Variants in SATB2 observed in about 807,000 individuals in gnomAD.
SATB2 encodes the protein DNA-binding protein SATB2.
Under a neutral mutation model 73.4 loss-of-function variants are expected in SATB2, and 1 was observed. That is an observed-to-expected ratio of 0.01 (90% CI 0.00 to 0.06). SATB2 has a LOEUF of 0.06. Ranked by LOEUF, SATB2 falls within the 10% of genes least tolerant of loss-of-function variation. The pLI, the probability that SATB2 is intolerant of heterozygous loss-of-function variation, is 1.00. For synonymous variants in SATB2, 397 were observed against 367.0 expected (o/e 1.08, Z -0.93); for missense variants, 459 against 945.8 (o/e 0.49, Z 6.75).
intron 7 of SATB2, among the ~76,000 whole-genome samples, chr2:199,334,702 TC>T (rs890562863): frequency 1.6e-4 from 25 of 152,100 alleles, no homozygotes; most frequent in African/African-American, 6.0e-4. Flanking sequence ...ACTGGTAACC[TC>T]TTAAGAAAAC....
chr2:199,310,015 C>T (rs1384180237), intron 9 of SATB2, among the ~76,000 whole-genome samples: 1 of 152,026 alleles, frequency 6.6e-6, no homozygotes, highest in Admixed American at 6.5e-5. Context: ...CTGCCTTTAC[C>T]CCAAAAAAGG....
chr2:199,373,574 A>G (rs1458239386), intron 5 of SATB2, among the ~76,000 whole-genome samples: 3 of 151,532 alleles, frequency 2.0e-5, no homozygotes, highest in Non-Finnish European at 4.4e-5. Flanking sequence ...CTCTAATGTC[A>G]GCACCCTCAC....
At chr2:199,355,195 CTATATATGTATATATATATAGTGTG>C (rs1688933883) in intron 6 of SATB2, among the ~76,000 whole-genome samples, 1 of 149,026 alleles carries the variant, frequency 6.7e-6, no homozygotes, top group Non-Finnish European at 1.5e-5. Context: ...CATATACACA[CTATATATGTATATATATATAGTGTG>C]TATATATGTG....
chr2:199,297,899 T>C lies in SATB2; in HGVS notation c.1740+10861A>G, dbSNP rs1259322047. On this transcript the variant is annotated intron_variant, in intron 10 of 10. Coordinates refer to ENST00000417098, the MANE Select transcript of SATB2 (RefSeq NM_001172509.2). ...CATTCACAGCTGAGAAGAAAAGTTC[T>C]CACTTATCTTTTAAATAAGTTATAA... 2.7e-5 allele frequency among the ~76,000 whole-genome samples: 4 copies of C among 150,682 alleles called. No individual in the cohort carries two copies. In the Admixed American group the frequency reaches 2.7e-4, roughly 10 times the overall value.
At chr2:199,385,128 T>C (rs192940122) in intron 3 of SATB2, among the ~76,000 whole-genome samples, 80 of 151,318 alleles carry the variant, frequency 5.3e-4, no homozygotes, top group Admixed American at 1.1e-3. Context: ...CCCCTACTTT[T>C]TTGTTTGTTT....
chr2:199,359,855 T>C (rs1020145629), intron 6 of SATB2, among the ~76,000 whole-genome samples: 5 of 152,208 alleles, frequency 3.3e-5, no homozygotes, highest in Admixed American at 2.0e-4. Flanking sequence ...GTCTGATTTG[T>C]ACTCTAGATG....
At chr2:199,446,931 TGAAA>T (rs576339577) in intron 2 of SATB2, among the ~76,000 whole-genome samples, 61 of 152,252 alleles carry the variant, frequency 4.0e-4, no homozygotes, top group African/African-American at 1.4e-3. Context: ...CAGCGACAGA[TGAAA>T]GAAATATTCC....
At chr2:199,408,975 G>A (rs1165004174) in intron 3 of SATB2, among the ~76,000 whole-genome samples, 2 of 151,932 alleles carry the variant, frequency 1.3e-5, no homozygotes, top group Non-Finnish European at 2.9e-5. Flanking sequence ...ATGGCTCTAC[G>A]ATAATCCCAA....
intron 3 of SATB2, among the ~76,000 whole-genome samples, chr2:199,399,618 T>C (rs1690410288): frequency 6.6e-6 from 1 of 152,222 alleles, no homozygotes. Context: ...GGAAGAAGCA[T>C]GTTGCTGGCA....
At chr2:199,277,925 C>T (rs1692366275) in intron 10 of SATB2, among the ~76,000 whole-genome samples, 1 of 152,120 alleles carries the variant, frequency 6.6e-6, no homozygotes, top group Admixed American at 6.6e-5. Flanking sequence ...GCTTGTCAAG[C>T]ATATCTTATT....
chr2:199,309,823 CAA>C, intron 9 of SATB2, among the ~76,000 whole-genome samples: 1 of 152,126 alleles, frequency 6.6e-6, no homozygotes, highest in East Asian at 1.9e-4. Flanking sequence ...ATGTCTCTTG[CAA>C]AAGAGTAAAA....
chr2:199,330,119 C>T (rs1393067550), intron 7 of SATB2, among the ~76,000 whole-genome samples: 3 of 152,104 alleles, frequency 2.0e-5, no homozygotes, highest in Non-Finnish European at 4.4e-5. Flanking sequence ...AAAGGAAACA[C>T]TATCAGATTT....
intron 3 of SATB2, among the ~76,000 whole-genome samples, chr2:199,397,305 TATC>T (rs1309229508): frequency 5.9e-5 from 9 of 152,226 alleles, no homozygotes; most frequent in Non-Finnish European, 1.2e-4. Context: ...ATATCACCAT[TATC>T]ATCTCAACAC....
At chr2:199,328,992 C>T in intron 7 of SATB2, 82 bp from the exon 8 acceptor site, 1 of 1,087,192 alleles carries the variant, frequency 9.2e-7, no homozygotes, top group Non-Finnish European at 1.4e-6. Context: ...CCCTCTCCTC[C>T]TTTGTTTGGT....
chr2:199,301,734 T>A (rs1687295784), intron 10 of SATB2, among the ~76,000 whole-genome samples: 1 of 151,878 alleles, frequency 6.6e-6, no homozygotes, highest in South Asian at 2.1e-4. Context: ...CAGGCCAAGG[T>A]GTGGAGGAGG....
chr2:199,462,041 G>T (rs116231838), upstream of SATB2, among the ~76,000 whole-genome samples: 8 of 152,210 alleles, frequency 5.3e-5, no homozygotes, highest in African/African-American at 1.9e-4. The surrounding 1 kb of genome is among the most constrained non-coding windows in gnomAD (Gnocchi z 5.9). Context: ...CCCGGGCTCT[G>T]AGGGCCCGGC....
chr2:199,397,326 T>C (rs944518037), intron 3 of SATB2, among the ~76,000 whole-genome samples: 4 of 152,230 alleles, frequency 2.6e-5, no homozygotes, highest in Non-Finnish European at 5.9e-5. Flanking sequence ...CACTGGCTTC[T>C]GCTATTCACA....
At chr2:199,451,283 A>T (rs1027793345) in intron 2 of SATB2, among the ~76,000 whole-genome samples, 1 of 152,060 alleles carries the variant, frequency 6.6e-6, no homozygotes, top group Admixed American at 6.6e-5. Flanking sequence ...GTTCCACTGC[A>T]TATATTTTTT....
intron 2 of SATB2, among the ~76,000 whole-genome samples, chr2:199,454,764 C>A (rs1238915026): frequency 6.6e-6 from 1 of 152,040 alleles, no homozygotes; most frequent in Non-Finnish European, 1.5e-5. Flanking sequence ...CGTATGTGTT[C>A]AACTCTTTAA....
Sources: allele counts gnomAD v4.1 joint callset (sites outside exome capture counted in the v4.1 genomes callset), GRCh38; gene constraint gnomAD v4.1.1; non-coding constraint Gnocchi (gnomAD v3.1); transcripts MANE v1.5; gene names NCBI Gene and HGNC (gene_info 2026-07-23, HGNC 2026-07-21).